ATXN1: variants seen among roughly 807,000 people sequenced by gnomAD.
The protein encoded by ATXN1 is ataxin 1, also known as ataxin-1.
Under a neutral mutation model 56.4 loss-of-function variants are expected in ATXN1, and 8 were observed. The ratio of observed to expected loss-of-function variants is 0.14; its 90% confidence interval spans 0.08 to 0.26. The LOEUF (loss-of-function observed/expected upper bound fraction) is 0.26. Among genes scored for constraint, ATXN1 ranks in the 10% least tolerant of loss-of-function variants. The pLI is 1.00. For missense variants in ATXN1, 987 were observed against 1,106.5 expected, an observed-to-expected ratio of 0.89 and a Z score of 1.53; for synonymous variants, 514 against 494.6, an observed-to-expected ratio of 1.04 and a Z score of -0.52.
chr6:16,356,443 T>C (rs1318559928), intron 6 of ATXN1, among the ~76,000 whole-genome samples: 1 of 152,228 alleles, frequency 6.6e-6, no homozygotes, highest in Non-Finnish European at 1.5e-5. Flanking sequence ...GGCAATGTTA[T>C]GGGAATAGTA....
intron 3 of ATXN1, among the ~76,000 whole-genome samples, chr6:16,625,992 CT>C (rs1763400074): frequency 6.6e-6 from 1 of 152,124 alleles, no homozygotes; most frequent in Admixed American, 6.6e-5. Flanking sequence ...AGAAATGGCA[CT>C]CGTACTTCCT....
intron 2 of ATXN1, among the ~76,000 whole-genome samples, chr6:16,678,680 A>T (rs1758735929): frequency 6.6e-6 from 1 of 152,230 alleles, no homozygotes; most frequent in Non-Finnish European, 1.5e-5. Context: ...CACCATATTA[A>T]TTTCACCAAA....
intron 4 of ATXN1, among the ~76,000 whole-genome samples, chr6:16,563,417 G>C (rs1039464958): frequency 1.3e-5 from 2 of 152,098 alleles, no homozygotes; most frequent in Admixed American, 1.3e-4. Context: ...TAAGCTATTG[G>C]GCATGCACAG....
intron 6 of ATXN1, among the ~76,000 whole-genome samples, chr6:16,344,038 T>C (rs763930920): frequency 6.6e-6 from 1 of 152,188 alleles, no homozygotes; most frequent in Non-Finnish European, 1.5e-5. Flanking sequence ...TCCCAGATGC[T>C]GCTGATGCTG....
chr6:16,681,965 T>C (rs1758821208), intron 2 of ATXN1, among the ~76,000 whole-genome samples: 1 of 152,180 alleles, frequency 6.6e-6, no homozygotes, highest in Admixed American at 6.5e-5. Context: ...TATTAGAGCC[T>C]GAAAACGAAA....
rs179990 is a variant in ATXN1, at chr6:16,327,384, A to G, written c.927T>C (p.Ala309=). Residue 309 remains alanine, a synonymous_variant, in exon 7 of 8, where the codon GCT becomes GCC. Coordinates refer to ENST00000436367, the MANE Select transcript of ATXN1 (RefSeq NM_001128164.2). ...TGGCCTGCTGCAGCCGGCTGCTCTC[A>G]GCTTTCTTGGTGGCCTCCCGAGGGA... ...HFVPREATKK[A]ESSRLQQAIQ... The G allele has an allele frequency of 0.7, 1,132,013 of 1,613,212 alleles. 399,450 individuals carry two copies. Among genetic ancestry groups the G allele is most frequent in the East Asian group, 0.87 (39,192 of 44,842 alleles).
chr6:16,417,534 G>C (rs373276400), intron 6 of ATXN1, among the ~76,000 whole-genome samples: 1 of 151,320 alleles, frequency 6.6e-6, no homozygotes, highest in South Asian at 2.1e-4. Context: ...CGCCTCCCAG[G>C]TTCAAGCGAT....
intron 5 of ATXN1, among the ~76,000 whole-genome samples, chr6:16,508,150 G>C (rs1761014634): frequency 6.6e-6 from 1 of 152,036 alleles, no homozygotes; most frequent in African/African-American, 2.4e-5. Context: ...TGAAATTTCT[G>C]GTAATAGCAT....
intron 4 of ATXN1, among the ~76,000 whole-genome samples, chr6:16,524,175 C>T (rs1761347487): frequency 6.6e-6 from 1 of 152,196 alleles, no homozygotes; most frequent in Non-Finnish European, 1.5e-5. Context: ...GATTCCCAGA[C>T]TCAGTTCCTC....
chr6:16,569,704 G>A (rs549605100), intron 4 of ATXN1, among the ~76,000 whole-genome samples: 3 of 152,166 alleles, frequency 2.0e-5, no homozygotes, highest in Admixed American at 1.3e-4. Flanking sequence ...CTGGTTAGTT[G>A]TTGAAAAAAC....
intron 2 of ATXN1, among the ~76,000 whole-genome samples, chr6:16,701,832 A>C (rs1208839698): frequency 1.3e-5 from 2 of 152,222 alleles, no homozygotes; most frequent in African/African-American, 4.8e-5. Context: ...ACGAAATAAA[A>C]GAGGATACAA....
chr6:16,727,331 A>G (rs1561824769), intron 2 of ATXN1, among the ~76,000 whole-genome samples: 2 of 152,218 alleles, frequency 1.3e-5, no homozygotes, highest in African/African-American at 2.4e-5. Context: ...ATGGAAATAA[A>G]TAATTCCAAA....
intron 2 of ATXN1, among the ~76,000 whole-genome samples, chr6:16,732,199 T>C (rs1441193399): frequency 7.2e-5 from 11 of 152,166 alleles, no homozygotes; most frequent in Non-Finnish European, 1.5e-4. Context: ...AACATAAAAA[T>C]AGGCAGACGC....
At chr6:16,731,046 G>A (rs934992121) in intron 2 of ATXN1, among the ~76,000 whole-genome samples, 5 of 152,186 alleles carry the variant, frequency 3.3e-5, no homozygotes, top group African/African-American at 1.2e-4. Context: ...CCTATCACAG[G>A]TGCCACTGGT....
intron 5 of ATXN1, among the ~76,000 whole-genome samples, chr6:16,502,520 A>G (rs1194273459): frequency 6.6e-6 from 1 of 152,220 alleles, no homozygotes; most frequent in Non-Finnish European, 1.5e-5. Flanking sequence ...ACAAATTGAA[A>G]AACAGTAGGA....
Position 16,639,850 on chromosome 6 carries a change from ACTT to A in ATXN1, c.-489+17923_-489+17925del, listed in dbSNP as rs1276389378. On this transcript the variant is annotated intron_variant, in intron 3 of 7. Transcript: ENST00000436367. The stretch of plus-strand genomic sequence containing the variant: ...TGTTTCCTTCTATGCAGAAAGAAAT[ACTT>A]CTTCTCTGAGTAATAGCACCAGAAG... Among the ~76,000 whole-genome samples, 10 of 152,342 alleles carry A rather than the reference ACTT, an allele frequency of 6.6e-5. No homozygotes were observed. In the East Asian group the frequency reaches 1.9e-3, roughly 29 times the overall value.
chr6:16,372,043 T>A (rs145202760), intron 6 of ATXN1, among the ~76,000 whole-genome samples: 47 of 152,386 alleles, frequency 3.1e-4, no homozygotes, highest in African/African-American at 9.6e-4. Flanking sequence ...GTTACATGTA[T>A]GTGATATTGT....
Position 16,695,362 on chromosome 6 carries a change from T to C in ATXN1, c.-614-37461A>G, listed in dbSNP as rs547523789. Among the ~76,000 whole-genome samples the C allele has an allele frequency of 3.3e-5, 5 of 152,346 alleles. No individual in the cohort carries two copies. In the South Asian group the frequency reaches 1.0e-3, roughly 32 times the overall value. ...CCAAGTCAGTGTTTTGATGCATGCA[T>C]AAAAATTCCATAGCTCCTCCTCCTG... On this transcript the variant is annotated intron_variant, in intron 2 of 7. Coordinates refer to ENST00000436367, the MANE Select transcript of ATXN1 (RefSeq NM_001128164.2).
intron 3 of ATXN1, 119 bp from the exon 4 acceptor site, chr6:16,586,026 C>A (rs1005816931): frequency 2.8e-4 from 41 of 147,844 alleles, no homozygotes; most frequent in African/African-American, 1.0e-3. Flanking sequence ...CACACACATG[C>A]ACACACGCAA....
Sources: gnomAD v4.1 joint callset for allele counts (sites outside exome capture counted in the v4.1 genomes callset) on GRCh38, gnomAD v4.1.1 for gene constraint, MANE v1.5 for transcripts, NCBI Gene and HGNC (gene_info 2026-07-23, HGNC 2026-07-21) for gene names.